PHF24: variants seen among roughly 807,000 people sequenced by gnomAD.
PHF24 encodes the protein Galpha inhibitory interacting protein.
Under a neutral mutation model 42.6 loss-of-function variants are expected in PHF24, and 25 were observed. The ratio of observed to expected loss-of-function variants is 0.59; its 90% CI spans 0.43 to 0.82. The LOEUF is 0.82. Among genes scored for constraint, PHF24 ranks in the 40% least tolerant of loss-of-function variants. The probability of loss-of-function intolerance (pLI) is 0.00; values close to 1 mark genes in which losing one functional copy is unlikely to be tolerated. For missense variants in PHF24, 470 were observed against 538.1 expected (o/e 0.87, Z 1.25); for synonymous variants, 185 against 204.8 (o/e 0.90, Z 0.83).
At chr9:34,710,188 C>T in the PHF24 span, 1 of 738,620 alleles carries the variant, frequency 1.4e-6, no homozygotes, top group Non-Finnish European at 2.3e-6. Flanking sequence ...TTTCACTTCC[C>T]TTAACTTATC....
the PHF24 span, among the ~76,000 whole-genome samples, chr9:34,851,700 C>T: frequency 4.6e-5 from 7 of 152,320 alleles, no homozygotes; most frequent in Non-Finnish European, 7.3e-5. Context: ...GCATCGCTCA[C>T]GCTGGGAGCT....
chr9:34,853,013 T>G, the PHF24 span, among the ~76,000 whole-genome samples: 1 of 152,220 alleles, frequency 6.6e-6, no homozygotes, highest in Non-Finnish European at 1.5e-5. Context: ...ATCTGAATGG[T>G]GAGAGAGGGC....
chr9:34,793,296 T>C, the PHF24 span, among the ~76,000 whole-genome samples: 5,338 of 152,242 alleles, frequency 0.035, 128 homozygotes, highest in Non-Finnish European at 0.047. Flanking sequence ...TCAAGAACCA[T>C]TGTCAACCCC....
the PHF24 span, chr9:34,725,063 G>A: frequency 2.6e-6 from 4 of 1,551,908 alleles, no homozygotes; most frequent in Admixed American, 3.9e-5. Flanking sequence ...GTCACTTGCT[G>A]TCTGCAGTTC....
At chr9:34,807,299 T>A in the PHF24 span, among the ~76,000 whole-genome samples, 1 of 152,230 alleles carries the variant, frequency 6.6e-6, no homozygotes, top group Non-Finnish European at 1.5e-5. Flanking sequence ...GAGTATCAGA[T>A]AGCCTCTGCC....
chr9:34,697,519 C>T, the PHF24 span, among the ~76,000 whole-genome samples: 1 of 152,142 alleles, frequency 6.6e-6, no homozygotes, highest in Non-Finnish European at 1.5e-5. Flanking sequence ...GGGGTTTCAT[C>T]ATGTTGGCCA....
At chr9:34,941,731 C>T in the PHF24 span, among the ~76,000 whole-genome samples, 16 of 152,282 alleles carry the variant, frequency 1.1e-4, no homozygotes, top group South Asian at 6.2e-4. Flanking sequence ...ACATGGTGGA[C>T]GCCTTCCACC....
chr9:34,718,887 C>A, the PHF24 span, among the ~76,000 whole-genome samples: 1 of 152,226 alleles, frequency 6.6e-6, no homozygotes, highest in Non-Finnish European at 1.5e-5. Context: ...AAGTGCCCTT[C>A]TGGAAAGCCC....
the PHF24 span, among the ~76,000 whole-genome samples, chr9:34,680,577 A>G: frequency 1.4e-5 from 2 of 147,470 alleles, no homozygotes; most frequent in South Asian, 2.1e-4. Flanking sequence ...AGTCCCGGCT[A>G]CTTGGGAGGC....
chr9:34,774,976 AGTT>A, the PHF24 span, among the ~76,000 whole-genome samples: 1 of 152,222 alleles, frequency 6.6e-6, no homozygotes, highest in South Asian at 2.1e-4. Flanking sequence ...AAAATGTTAC[AGTT>A]GTTGGGGAAA....
chr9:34,959,134 A>C (rs1214311533), intron 1 of PHF24, among the ~76,000 whole-genome samples: 2 of 152,238 alleles, frequency 1.3e-5, no homozygotes, highest in Non-Finnish European at 2.9e-5. Context: ...ACAGGGCCCT[A>C]AGCCGAGGAT....
the PHF24 span, among the ~76,000 whole-genome samples, chr9:34,718,322 C>T: frequency 6.6e-6 from 1 of 152,198 alleles, no homozygotes; most frequent in African/African-American, 2.4e-5. Context: ...TGGCCCCTTC[C>T]CAGGCCCCCC....
At chr9:34,835,253 T>C in the PHF24 span, 163 of 1,552,258 alleles carry the variant, frequency 1.1e-4, no homozygotes, top group African/African-American at 2.1e-3. Flanking sequence ...CTCAGATCTG[T>C]GAAGAGAGAC....
chr9:34,779,413 T>C, the PHF24 span, among the ~76,000 whole-genome samples: 2 of 152,198 alleles, frequency 1.3e-5, no homozygotes, highest in African/African-American at 4.8e-5. Flanking sequence ...GAAGACTTAA[T>C]ATTGTTAAGA....
chr9:34,973,816 G>A (rs535529560), intron 3 of PHF24, among the ~76,000 whole-genome samples: 74 of 152,094 alleles, frequency 4.9e-4, no homozygotes, highest in East Asian at 1.7e-3. Flanking sequence ...TCTGCTTTGC[G>A]GTGTGCTGCT....
the PHF24 span, among the ~76,000 whole-genome samples, chr9:34,693,519 C>A: frequency 6.6e-6 from 1 of 152,272 alleles, no homozygotes; most frequent in South Asian, 2.1e-4. Context: ...TTCCCACTTA[C>A]CACATCTGAG....
the PHF24 span, among the ~76,000 whole-genome samples, chr9:34,784,293 CT>C: frequency 0.29 from 43,982 of 152,084 alleles, 7,008 homozygotes; most frequent in East Asian, 0.56. Flanking sequence ...ATGCTTTCAA[CT>C]TGTTAGTGAT....
intron 2 of PHF24, 100 bp downstream of exon 2, chr9:34,971,776 T>G: frequency 7.4e-7 from 1 of 1,356,642 alleles, no homozygotes; most frequent in Non-Finnish European, 9.9e-7. Flanking sequence ...ACCGGAAAAA[T>G]GGAGCTGAGT....
chr9:34,875,088 C>G, the PHF24 span, among the ~76,000 whole-genome samples: 1 of 152,108 alleles, frequency 6.6e-6, no homozygotes, highest in Non-Finnish European at 1.5e-5. Flanking sequence ...ACCCATGAAC[C>G]ATTTTCACCT....
Sources: allele counts gnomAD v4.1 joint callset (sites outside exome capture counted in the v4.1 genomes callset), GRCh38; gene constraint gnomAD v4.1.1; transcripts MANE v1.5; gene names NCBI Gene and HGNC (gene_info 2026-07-23, HGNC 2026-07-21).